Variants in SLC5A11 observed in about 807,000 individuals in gnomAD.
SLC5A11 encodes the protein sodium/myo-inositol cotransporter 2.
A neutral mutation model predicts 69.8 loss-of-function variants in SLC5A11; 48 were observed. The ratio of observed to expected loss-of-function variants is 0.69; its 90% CI spans 0.55 to 0.87. The LOEUF (loss-of-function observed/expected upper bound fraction) is 0.87. Among genes scored for constraint, SLC5A11 ranks in the 40% least tolerant of loss-of-function variants. SLC5A11 has a pLI of 0.00. For missense variants in SLC5A11, 784 were observed against 866.1 expected (o/e 0.91, Z 1.19); for synonymous variants, 319 against 342.4 (o/e 0.93, Z 0.75).
chr16:24,862,974 T>C (rs539199724), intron 3 of SLC5A11, among the ~76,000 whole-genome samples: 2 of 135,340 alleles, frequency 1.5e-5, no homozygotes, highest in East Asian at 4.3e-4. Flanking sequence ...TTATATAATA[T>C]ATAATTATAT....
In SLC5A11 at chr16:24,909,101, A is replaced by C. The variant is rs749873840; in HGVS notation, c.1650+5A>C. 2.5e-6 allele frequency: 4 copies of C among 1,613,642 alleles called. No homozygotes were observed. The East Asian group carries it at 6.7e-5, about 27-fold the overall frequency. The stretch of plus-strand genomic sequence containing the variant: ...GAGCCACCCTCCAAGGAGATGGTAC[A>C]TTTGGGCTGATGGCTAGATCCGTTG... On this transcript the variant is annotated splice_donor_5th_base_variant and intron_variant, in intron 14 of 15. Transcript: ENST00000347898.
intron 10 of SLC5A11, 51 bp downstream of exon 11, chr16:24,898,160 T>A: frequency 6.3e-7 from 1 of 1,591,984 alleles, no homozygotes; most frequent in Non-Finnish European, 8.5e-7. Context: ...TCTCAGACCA[T>A]GTGAATTATT....
chr16:24,858,657 C>T (rs757716433), exon 2 of SLC5A11: 2 of 1,609,814 alleles, frequency 1.2e-6, no homozygotes, highest in Non-Finnish European at 1.7e-6. Context: ...GAGAGCGGCA[C>T]CAGCAGCCCT....
chr16:24,908,108 T>G, exon 13 of SLC5A11: 1 of 1,601,042 alleles, frequency 6.2e-7, no homozygotes, highest in East Asian at 2.3e-5. Context: ...CATGGGATGT[T>G]TCTGGAAGAG....
intron 10 of SLC5A11, among the ~76,000 whole-genome samples, chr16:24,902,545 T>TA (rs1472572569): frequency 4.5e-5 from 5 of 110,792 alleles, no homozygotes; most frequent in African/African-American, 1.8e-4. Flanking sequence ...GCCAATCAAG[T>TA]CTTTTTTTTT....
chr16:24,861,818 G>GAA (rs200274081), intron 2 of SLC5A11, among the ~76,000 whole-genome samples: 2 of 149,576 alleles, frequency 1.3e-5, no homozygotes, highest in African/African-American at 5.0e-5. Context: ...AAAAAAGAAA[G>GAA]AAAAAATTAA....
chr16:24,881,177 G>A (rs932439489), intron 7 of SLC5A11, among the ~76,000 whole-genome samples: 6 of 151,208 alleles, frequency 4.0e-5, no homozygotes, highest in South Asian at 2.1e-4. Context: ...CTGCACTCCA[G>A]CCTGGGCAAC....
intron 9 of SLC5A11, among the ~76,000 whole-genome samples, chr16:24,896,173 G>GTGAGCT (rs1597239020): frequency 6.6e-6 from 1 of 151,800 alleles, no homozygotes. Flanking sequence ...GGGCAACATA[G>GTGAGCT]TGAGAGTCTG....
intron 10 of SLC5A11, among the ~76,000 whole-genome samples, chr16:24,901,675 A>G (rs538911283): frequency 1.3e-5 from 2 of 152,214 alleles, no homozygotes; most frequent in Admixed American, 6.5e-5. Flanking sequence ...TTGAGAGCCA[A>G]TTATCTTCCA....
intron 1 of SLC5A11, among the ~76,000 whole-genome samples, chr16:24,855,963 T>A (rs2059510309): frequency 6.6e-6 from 1 of 152,216 alleles, no homozygotes; most frequent in Non-Finnish European, 1.5e-5. Flanking sequence ...ACCTCCAGAA[T>A]AACCTCCCTG....
chr16:24,871,172 G>T (rs34767372), intron 4 of SLC5A11, among the ~76,000 whole-genome samples: 14,990 of 152,184 alleles, frequency 0.098, 903 homozygotes, highest in South Asian at 0.14. Flanking sequence ...GACCCACACT[G>T]CCTGGGTTTA....
At chr16:24,862,847 A>C (rs905628889) in intron 3 of SLC5A11, among the ~76,000 whole-genome samples, 175 bp downstream of exon 4, 1 of 149,762 alleles carries the variant, frequency 6.7e-6, no homozygotes, top group Non-Finnish European at 1.5e-5. Flanking sequence ...ACAAAAAAAA[A>C]CAATTTGTCA....
At chr16:24,899,054 G>A (rs943924749) in intron 10 of SLC5A11, among the ~76,000 whole-genome samples, 1 of 152,014 alleles carries the variant, frequency 6.6e-6, no homozygotes, top group African/African-American at 2.4e-5. Flanking sequence ...CAGGCCTCAA[G>A]CGATCCTCCT....
intron 10 of SLC5A11, among the ~76,000 whole-genome samples, chr16:24,902,573 G>A (rs1226448203): frequency 7.3e-6 from 1 of 136,186 alleles, no homozygotes; most frequent in Non-Finnish European, 1.6e-5. Context: ...TTGAGACGGT[G>A]TTTTGCTCAT....
chr16:24,851,568 C>T (rs1237637260), intron 1 of SLC5A11, among the ~76,000 whole-genome samples: 1 of 151,950 alleles, frequency 6.6e-6, no homozygotes, highest in Non-Finnish European at 1.5e-5. Flanking sequence ...CAAAACAAAA[C>T]TCCTGGGCTC....
intron 14 of SLC5A11, 129 bp from the exon 16 acceptor site, chr16:24,910,177 G>T: frequency 1.3e-6 from 1 of 772,884 alleles, no homozygotes; most frequent in South Asian, 1.8e-5. Flanking sequence ...GATGGGGTGG[G>T]AGGGTGGGGC....
chr16:24,862,965 T>C, intron 3 of SLC5A11, among the ~76,000 whole-genome samples: 3 of 137,250 alleles, frequency 2.2e-5, no homozygotes, highest in Non-Finnish European at 4.6e-5. Flanking sequence ...AATTATATAT[T>C]ATATAATATA....
rs775998126 is a variant in SLC5A11 at position 24,890,854 on chromosome 16, T to C, written c.665-15T>C. The C allele has an allele frequency of 6.2e-7, 1 of 1,613,480 alleles. No homozygotes were observed. The highest frequency in any genetic ancestry group is 8.5e-7 in the Non-Finnish European group (1 of 1,179,600). ...AATCTGAGTTCCCGGAAAATAGGCT[T>C]CCTCTGAATTCTAGGTTTCGCCGCG... On this transcript the variant is annotated splice_polypyrimidine_tract_variant and intron_variant, in intron 8 of 15. Transcript: ENST00000347898.
At chr16:24,908,921 T>G in exon 14 of SLC5A11, 2 of 1,614,022 alleles carry the variant, frequency 1.2e-6, no homozygotes, top group Non-Finnish European at 1.7e-6. Flanking sequence ...CTCCTGGGCT[T>G]GGTTAGGCTG....
Sources: gnomAD v4.1 joint callset for allele counts (sites outside exome capture counted in the v4.1 genomes callset) on GRCh38, gnomAD v4.1.1 for gene constraint, MANE v1.5 for transcripts, NCBI Gene and HGNC (gene_info 2026-07-23, HGNC 2026-07-21) for gene names.